Variants in DNAJC21 observed in about 807,000 individuals in gnomAD.
DNAJC21 encodes the protein dnaJ homolog subfamily C member 21.
A neutral mutation model predicts 72.4 loss-of-function variants in DNAJC21; 63 were observed. The observed-to-expected ratio is 0.87, with a 90% CI of 0.71 to 1.07. The LOEUF (loss-of-function observed/expected upper bound fraction) is 1.07, where lower values mean the gene tolerates loss of function less well. Among genes scored for constraint, DNAJC21 ranks in the 50% least tolerant of loss-of-function variants. The pLI is 0.00. For missense variants in DNAJC21, 634 were observed against 644.8 expected (o/e 0.98, Z 0.18); for synonymous variants, 203 against 216.7 (o/e 0.94, Z 0.56).
At chr5:34,951,821 G>A (rs536298421) in intron 10 of DNAJC21, 536 of 985,562 alleles carry the variant, frequency 5.4e-4, no homozygotes, top group Non-Finnish European at 6.2e-4. Context: ...ACCGTGTCTG[G>A]CCTCCATGTT....
In DNAJC21 at chr5:34,958,913, T is replaced by G. The variant is rs531993632; in HGVS notation, c.*4199T>G. On this transcript the variant is annotated 3_prime_UTR_variant, in exon 12 of 12. Coordinates refer to ENST00000648817, the MANE Select transcript of DNAJC21 (RefSeq NM_001012339.3). ...ATGAGAAGAGTGGTATTGTTTTACATTTTTACAAATCTCTTTAACATTTAG... is the reference window on the plus strand; with the variant it reads ...ATGAGAAGAGTGGTATTGTTTTACAGTTTTACAAATCTCTTTAACATTTAG... The G allele has an allele frequency of 6.6e-6, 1 of 152,346 alleles. No individual in the cohort carries two copies. The highest frequency in any genetic ancestry group is 2.1e-4 in the South Asian group (1 of 4,828). 9.4% of individuals were successfully genotyped at this position (152,346 alleles called of 1,614,324 possible).
intron 2 of DNAJC21, among the ~76,000 whole-genome samples, chr5:34,935,504 C>A (rs568704980): frequency 2.4e-4 from 36 of 152,218 alleles, no homozygotes; most frequent in African/African-American, 8.4e-4. Context: ...TATAATGTAT[C>A]AGAAGTTGCA....
intron 6 of DNAJC21, among the ~76,000 whole-genome samples, chr5:34,940,254 T>C (rs1243308121): frequency 6.6e-6 from 1 of 152,206 alleles, no homozygotes; most frequent in Non-Finnish European, 1.5e-5. Context: ...TTAATTAAAA[T>C]TTCACATACA....
chr5:34,949,283 A>G (rs1256017641), intron 9 of DNAJC21, among the ~76,000 whole-genome samples: 1 of 152,200 alleles, frequency 6.6e-6, no homozygotes, highest in Non-Finnish European at 1.5e-5. Flanking sequence ...AAGCCAGATT[A>G]TGGGACACTC....
chr5:34,944,357 CA>C (rs1162979998), intron 7 of DNAJC21, among the ~76,000 whole-genome samples: 2 of 152,170 alleles, frequency 1.3e-5, no homozygotes, highest in African/African-American at 4.8e-5. Context: ...TTCTCTAGTC[CA>C]GGGGGCTCTT....
intron 7 of DNAJC21, 141 bp downstream of exon 7, chr5:34,941,324 A>G (rs1351720893): frequency 1.2e-5 from 9 of 733,046 alleles, no homozygotes; most frequent in Non-Finnish European, 1.8e-5. Flanking sequence ...CAGCCTCCCA[A>G]GTAGCTAGGG....
chr5:34,929,976 T>C, intron 1 of DNAJC21, 60 bp downstream of exon 1: 1 of 1,353,932 alleles, frequency 7.4e-7, no homozygotes, highest in Non-Finnish European at 1.0e-6. Flanking sequence ...TCCCCGACCT[T>C]CCCTTCCCCC....
At chr5:34,931,214 C>G (rs147402407) in intron 1 of DNAJC21, among the ~76,000 whole-genome samples, 8 of 152,178 alleles carry the variant, frequency 5.3e-5, no homozygotes, top group Non-Finnish European at 1.0e-4. Context: ...GGGTCTGTTA[C>G]TTAAAGTTAT....
Position 34,929,721 on chromosome 5 carries a change from G to A in DNAJC21, c.-99G>A. On this transcript the variant is annotated 5_prime_UTR_variant, in exon 1 of 12. Transcript: ENST00000648817. ...CCGGTGCGGGCGGCGGACTCCCGCC[G>A]GAGAGGACTGCCAGCGCCGCCGCCG... 1 of 450,802 alleles carries A rather than the reference G, an allele frequency of 2.2e-6. No individual in the cohort carries two copies. Among genetic ancestry groups the A allele is most frequent in the Non-Finnish European group, 3.0e-6 (1 of 334,280 alleles). The allele number at this position is 450,802 out of a possible 1,614,324, so 27.9% of individuals were successfully genotyped here. A position where few individuals can be genotyped will look rare whatever the true frequency, so the allele number is the denominator to read the frequency against.
intron 7 of DNAJC21, among the ~76,000 whole-genome samples, chr5:34,944,565 C>T (rs1004208689): frequency 3.3e-5 from 5 of 151,912 alleles, no homozygotes; most frequent in African/African-American, 1.2e-4. Context: ...TCCCCCATCC[C>T]CAGAAAGGAA....
At chr5:34,952,538 T>G (rs1182555148) in intron 10 of DNAJC21, 1 of 152,778 alleles carries the variant, frequency 6.5e-6, no homozygotes, top group East Asian at 1.9e-4. Context: ...TGGACCCAGA[T>G]TTTTACCCTA....
intron 7 of DNAJC21, among the ~76,000 whole-genome samples, chr5:34,942,674 C>G (rs923950795): frequency 2.0e-5 from 3 of 152,164 alleles, no homozygotes; most frequent in Non-Finnish European, 4.4e-5. Context: ...CTCTTTCTCT[C>G]TACACGCTCA....
intron 11 of DNAJC21, 122 bp downstream of exon 11, chr5:34,954,123 C>G: frequency 1.2e-6 from 1 of 816,060 alleles, no homozygotes; most frequent in East Asian, 2.8e-5. Flanking sequence ...AGATGTGGAT[C>G]CATCAACAGT....
intron 9 of DNAJC21, among the ~76,000 whole-genome samples, chr5:34,949,329 A>G (rs1765277908): frequency 6.6e-6 from 1 of 151,914 alleles, no homozygotes; most frequent in Non-Finnish European, 1.5e-5. Context: ...ATGAAAGACA[A>G]AAAAAAAGTG....
At chr5:34,948,939 T>G (rs949463766) in intron 9 of DNAJC21, among the ~76,000 whole-genome samples, 1 of 151,828 alleles carries the variant, frequency 6.6e-6, no homozygotes, top group Admixed American at 6.6e-5. Flanking sequence ...CAAGTGCAAA[T>G]GACACAAGTA....
intron 7 of DNAJC21, among the ~76,000 whole-genome samples, chr5:34,944,601 G>A (rs1457955968): frequency 6.6e-6 from 1 of 152,078 alleles, no homozygotes; most frequent in Admixed American, 6.6e-5. Context: ...TAAAAGGACA[G>A]AGAAAGACAG....
chr5:34,950,207 A>T lies in DNAJC21; in HGVS notation c.1223A>T (p.Glu408Val). Residue 408 changes from glutamate to valine, a missense_variant, in exon 10 of 12, where the codon GAA becomes GTA. Glu to Val is a moderately radical substitution (Grantham distance 121). Transcript: ENST00000648817. ...AATTTCAATGTAAATGGACCTGGAGAAGGAGTAAAGGTTGATCCAGAAGAT... is the reference window on the plus strand; with the variant it reads ...AATTTCAATGTAAATGGACCTGGAGTAGGAGTAAAGGTTGATCCAGAAGAT... The part of the protein sequence containing the change: ...DDNFNVNGPG[E>V]GVKVDPEDTN... The T allele has an allele frequency of 6.2e-7, 1 of 1,610,288 alleles. No individual in the cohort carries two copies. Among genetic ancestry groups the T allele is most frequent in the South Asian group, 1.1e-5 (1 of 89,606 alleles).
Position 34,944,994 on chromosome 5 carries a change from G to GAGGA in DNAJC21, c.1114_1117dup (p.Glu373GlyfsTer13). 6.2e-7 allele frequency: 1 copy of GAGGA among 1,613,712 alleles called. No homozygotes were observed. The highest frequency in any genetic ancestry group is 1.1e-5 in the South Asian group (1 of 90,912). On this transcript the variant is annotated frameshift_variant, in exon 8 of 12. Coordinates refer to ENST00000648817, the MANE Select transcript of DNAJC21 (RefSeq NM_001012339.3). LOFTEE classifies it high-confidence loss of function. ...TGAAAATCCATTAGATGACAATTCTGAGGAAGAAATGGAAGATGCACCAAA... is the reference window on the plus strand; with the variant it reads ...TGAAAATCCATTAGATGACAATTCTGAGGAAGGAAGAAATGGAAGATGCACCAAA...
In DNAJC21 at chr5:34,956,001, C is replaced by A. The variant is rs1271837304; in HGVS notation, c.*1287C>A. 7.4e-6 allele frequency: 1 copy of A among 134,632 alleles called. No individual in the cohort carries two copies. The highest frequency in any genetic ancestry group is 8.4e-5 in the Admixed American group (1 of 11,894). 8.3% of individuals were successfully genotyped at this position (134,632 alleles called of 1,614,324 possible). A position where few individuals can be genotyped will look rare whatever the true frequency, so the allele number is the denominator to read the frequency against. On this transcript the variant is annotated 3_prime_UTR_variant, in exon 12 of 12. Coordinates refer to ENST00000648817, the MANE Select transcript of DNAJC21 (RefSeq NM_001012339.3). ...CCGGGAGGCGGAGCTTGCAGTGAGC[C>A]GAGATCCCGCCACTGCACTCCAGCC...
Sources: allele counts gnomAD v4.1 joint callset (sites outside exome capture counted in the v4.1 genomes callset), GRCh38; gene constraint gnomAD v4.1.1; transcripts MANE v1.5; gene names NCBI Gene and HGNC (gene_info 2026-07-23, HGNC 2026-07-21).